CDH13: variants seen among roughly 807,000 people sequenced by gnomAD.
CDH13 encodes cadherin-13.
CDH13 carries 24 observed loss-of-function variants against 63.8 expected under a neutral mutation model. The observed-to-expected ratio is 0.38, with a 90% confidence interval of 0.27 to 0.53. CDH13 has a LOEUF of 0.53. Ranked by LOEUF, CDH13 falls within the 20% of genes least tolerant of loss-of-function variation. The pLI, the probability that CDH13 is intolerant of heterozygous loss-of-function variation, is 0.85. For missense variants in CDH13, 1,049 were observed against 903.1 expected, an observed-to-expected ratio of 1.16 and a Z score of -2.07; for synonymous variants, 503 against 355.3, an observed-to-expected ratio of 1.42 and a Z score of -4.67.
At chr16:82,880,327 T>C (rs1176478093) in intron 2 of CDH13, among the ~76,000 whole-genome samples, 1 of 152,144 alleles carries the variant, frequency 6.6e-6, no homozygotes, top group Non-Finnish European at 1.5e-5. Flanking sequence ...AGTTTCTTAT[T>C]AGACTGTCTC....
At chr16:83,144,673 C>G (rs1443646295) in intron 4 of CDH13, among the ~76,000 whole-genome samples, 2 of 152,230 alleles carry the variant, frequency 1.3e-5, no homozygotes, top group African/African-American at 2.4e-5. Flanking sequence ...AGCTATCTCT[C>G]TATTTTTTTC....
intron 6 of CDH13, among the ~76,000 whole-genome samples, chr16:83,389,943 G>A (rs1226426813): frequency 6.6e-6 from 1 of 152,192 alleles, no homozygotes; most frequent in Non-Finnish European, 1.5e-5. Context: ...TTTAACTAAT[G>A]GGATCTGAGC....
At chr16:83,715,801 C>T (rs1041590566) in intron 10 of CDH13, among the ~76,000 whole-genome samples, 2 of 152,050 alleles carry the variant, frequency 1.3e-5, no homozygotes, top group Non-Finnish European at 2.9e-5. Flanking sequence ...GGATGGTCAA[C>T]CTTGACAACA....
intron 5 of CDH13, among the ~76,000 whole-genome samples, chr16:83,280,301 A>G (rs60299183): frequency 0.043 from 6,567 of 152,282 alleles, 415 homozygotes; most frequent in African/African-American, 0.14. Flanking sequence ...AACTATGTTC[A>G]TAGTAGCTTT....
At chr16:83,129,949 C>A (rs2035977667) in intron 4 of CDH13, among the ~76,000 whole-genome samples, 1 of 152,182 alleles carries the variant, frequency 6.6e-6, no homozygotes, top group Non-Finnish European at 1.5e-5. Context: ...GCTTTTGAAA[C>A]CCCCTGTACT....
chr16:82,885,171 A>G (rs1003603763), intron 2 of CDH13, among the ~76,000 whole-genome samples: 7 of 152,220 alleles, frequency 4.6e-5, no homozygotes, highest in Non-Finnish European at 1.0e-4. Context: ...GCATGATAGT[A>G]TATTATGAGC....
At chr16:83,393,623 G>A (rs1489320170) in intron 6 of CDH13, among the ~76,000 whole-genome samples, 1 of 152,146 alleles carries the variant, frequency 6.6e-6, no homozygotes, top group African/African-American at 2.4e-5. Flanking sequence ...TCTACTGAAA[G>A]AATGAATGAA....
chr16:83,458,901 C>A (rs960307239), intron 6 of CDH13, among the ~76,000 whole-genome samples: 3 of 152,216 alleles, frequency 2.0e-5, no homozygotes, highest in African/African-American at 4.8e-5. Flanking sequence ...CCATCATGCA[C>A]TGCTTCTAGA....
intron 7 of CDH13, among the ~76,000 whole-genome samples, chr16:83,555,413 T>C (rs1057185502): frequency 1.3e-5 from 2 of 152,238 alleles, no homozygotes; most frequent in African/African-American, 4.8e-5. Context: ...CCCCAGGTGA[T>C]TCATATACAC....
chr16:83,212,281 G>T (rs1270589969), intron 4 of CDH13, among the ~76,000 whole-genome samples: 1 of 152,130 alleles, frequency 6.6e-6, no homozygotes, highest in East Asian at 1.9e-4. Context: ...CGTGAAGTTG[G>T]AATATGCTGG....
At chr16:82,980,130 G>T (rs955473941) in intron 2 of CDH13, among the ~76,000 whole-genome samples, 1 of 152,182 alleles carries the variant, frequency 6.6e-6, no homozygotes, top group Non-Finnish European at 1.5e-5. Flanking sequence ...GAGGAGAGGA[G>T]GGAGCCCTCT....
intron 5 of CDH13, among the ~76,000 whole-genome samples, chr16:83,295,687 A>T (rs539721106): frequency 5.3e-5 from 8 of 152,350 alleles, no homozygotes; most frequent in Admixed American, 2.0e-4. Context: ...GTTGGCAAGG[A>T]TGTGGAGAAA....
intron 7 of CDH13, among the ~76,000 whole-genome samples, chr16:83,555,982 A>G (rs1365841813): frequency 3.3e-5 from 5 of 152,210 alleles, no homozygotes; most frequent in Admixed American, 2.6e-4. Flanking sequence ...TGGGGGAAGT[A>G]ACACTGGTAC....
intron 10 of CDH13, chr16:83,739,890 G>C (rs1597155152): frequency 1.3e-5 from 2 of 152,354 alleles, no homozygotes; most frequent in South Asian, 4.1e-4. Flanking sequence ...AAGTAAGATA[G>C]ATGAGGTCAC....
intron 8 of CDH13, among the ~76,000 whole-genome samples, chr16:83,605,690 TGAA>T (rs1908262749): frequency 1.3e-5 from 2 of 152,286 alleles, no homozygotes; most frequent in Middle Eastern, 3.4e-3. Flanking sequence ...AAGGCCATGA[TGAA>T]GAAGAAGATT....
At chr16:83,185,548 C>T (rs1029990517) in intron 4 of CDH13, among the ~76,000 whole-genome samples, 28 of 152,262 alleles carry the variant, frequency 1.8e-4, no homozygotes, top group Middle Eastern at 3.4e-3. Context: ...TTTCTCACCA[C>T]GGTAAGTCAT....
At chr16:83,621,936 G>A (rs907955203) in intron 8 of CDH13, among the ~76,000 whole-genome samples, 3 of 152,144 alleles carry the variant, frequency 2.0e-5, no homozygotes, top group African/African-American at 7.2e-5. Context: ...TTATAAAAGG[G>A]TTGGAGGGCT....
intron 7 of CDH13, among the ~76,000 whole-genome samples, chr16:83,511,785 C>T (rs1184654148): frequency 6.6e-6 from 1 of 152,110 alleles, no homozygotes; most frequent in Non-Finnish European, 1.5e-5. Context: ...AGAATGCTTA[C>T]AATGGGAATC....
chr16:82,670,082 T>G (rs1051729821), intron 1 of CDH13, among the ~76,000 whole-genome samples: 2 of 152,236 alleles, frequency 1.3e-5, no homozygotes, highest in Non-Finnish European at 2.9e-5. Flanking sequence ...AGTTTGAGAT[T>G]CTGCCGGGGT....
Sources: gnomAD v4.1 joint callset for allele counts (sites outside exome capture counted in the v4.1 genomes callset) on GRCh38, gnomAD v4.1.1 for gene constraint, MANE v1.5 for transcripts, NCBI Gene and HGNC (gene_info 2026-07-23, HGNC 2026-07-21) for gene names.